Variants in SETBP1 observed in about 807,000 individuals in gnomAD.
The protein encoded by SETBP1 is SET binding protein 1.
SETBP1 carries 9 observed loss-of-function variants against 101.0 expected under a neutral mutation model. That is an observed-to-expected ratio of 0.09 (90% CI 0.05 to 0.16). The LOEUF is 0.16. Among genes scored for constraint, SETBP1 ranks in the 10% least tolerant of loss-of-function variants. SETBP1 has a pLI of 1.00. For missense variants in SETBP1, 1,858 were observed against 2,033.8 expected (o/e 0.91, Z 1.66); for synonymous variants, 818 against 788.5 (o/e 1.04, Z -0.63).
At chr18:44,940,269 G>C (rs1025329062) in intron 3 of SETBP1, among the ~76,000 whole-genome samples, 1 of 152,070 alleles carries the variant, frequency 6.6e-6, no homozygotes, top group African/African-American at 2.4e-5. Context: ...TATTTAAAGT[G>C]TATCTCCTAT....
rs139425805 is a variant in SETBP1, at chr18:45,014,516, C to G, written c.4001-23969C>G. On this transcript the variant is annotated intron_variant, in intron 4 of 5. Transcript: ENST00000649279. ...AGAATGGAATAAATTAATAAATATG[C>G]TGTTGTTTAACTGGGAAAGTGCTCT... is the stretch of plus-strand genomic sequence containing the variant. 4.0e-3 allele frequency among the ~76,000 whole-genome samples: 603 copies of G among 152,320 alleles called. 3 individuals are homozygous for G. Among genetic ancestry groups the G allele is most frequent in the African/African-American group, 0.014 (579 of 41,568 alleles).
intron 3 of SETBP1, among the ~76,000 whole-genome samples, chr18:44,901,362 T>C (rs948141245): frequency 6.6e-6 from 1 of 152,218 alleles, no homozygotes; most frequent in African/African-American, 2.4e-5. Context: ...CAGCAGGAGA[T>C]AGACTTTTGA....
In SETBP1 at chr18:44,849,135, C is replaced by G. The variant is rs550840125; in HGVS notation, c.487-20095C>G. ...ATGTCTGTGCCAGAACGTCCCCCAT[C>G]TGCTGCTGGGAGGAGGAAATTGGCA... On this transcript the variant is annotated intron_variant, in intron 2 of 5. Coordinates refer to ENST00000649279, the MANE Select transcript of SETBP1 (RefSeq NM_015559.3). Among the ~76,000 whole-genome samples the G allele has an allele frequency of 2.8e-4, 42 of 152,312 alleles. No individual in the cohort carries two copies. In the South Asian group the frequency reaches 7.9e-3, roughly 29 times the overall value.
rs2073958966 is a variant in SETBP1 at position 45,065,865 on chromosome 18, T to G, written c.*2167T>G. The G allele has an allele frequency of 6.6e-6, 1 of 152,246 alleles. No homozygotes were observed. Among genetic ancestry groups the G allele is most frequent in the Non-Finnish European group, 1.5e-5 (1 of 68,054 alleles). 9.4% of individuals were successfully genotyped at this position (152,246 alleles called of 1,614,324 possible). A position where few individuals can be genotyped will look rare whatever the true frequency, so the allele number is the denominator to read the frequency against. The stretch of plus-strand genomic sequence containing the variant: ...TCGTCATTCCCAAGCCCTATCTGAG[T>G]GGTTCCAAAGTCACCTGAGAGGAAG... On this transcript the variant is annotated 3_prime_UTR_variant, in exon 6 of 6. Transcript: ENST00000649279.
intron 2 of SETBP1, among the ~76,000 whole-genome samples, chr18:44,790,576 C>T (rs1280526670): frequency 6.6e-6 from 1 of 152,218 alleles, no homozygotes; most frequent in Non-Finnish European, 1.5e-5. Context: ...TAAAACTTCA[C>T]TGTGCTTTTT....
At chr18:44,947,250 C>A (rs2071227660) in intron 3 of SETBP1, among the ~76,000 whole-genome samples, 1 of 151,738 alleles carries the variant, frequency 6.6e-6, no homozygotes, top group South Asian at 2.1e-4. Context: ...GAGCTGAAGC[C>A]AGAACACGAA....
At chr18:44,721,041 G>A (rs963375706) in intron 2 of SETBP1, among the ~76,000 whole-genome samples, 1 of 152,082 alleles carries the variant, frequency 6.6e-6, no homozygotes, top group East Asian at 1.9e-4. Context: ...AGCACCCAGC[G>A]AAGGGCATGA....
intron 2 of SETBP1, among the ~76,000 whole-genome samples, chr18:44,812,720 C>T (rs2071889425): frequency 6.6e-6 from 1 of 152,080 alleles, no homozygotes; most frequent in Admixed American, 6.6e-5. Flanking sequence ...CTGCCAACAC[C>T]TTGAAAATCA....
chr18:44,695,300 A>C (rs2068996228), intron 1 of SETBP1, among the ~76,000 whole-genome samples: 1 of 152,232 alleles, frequency 6.6e-6, no homozygotes, highest in African/African-American at 2.4e-5. Flanking sequence ...AACTAGAAAG[A>C]ACCTGCATCT....
chr18:45,047,440 A>C (rs972367206), intron 5 of SETBP1, among the ~76,000 whole-genome samples: 1 of 152,188 alleles, frequency 6.6e-6, no homozygotes, highest in Non-Finnish European at 1.5e-5. Flanking sequence ...TGCCTTGTTC[A>C]CTGGCGCTTT....
chr18:44,840,854 AC>A (rs1479106232), intron 2 of SETBP1, among the ~76,000 whole-genome samples: 2 of 152,210 alleles, frequency 1.3e-5, no homozygotes, highest in Non-Finnish European at 2.9e-5. Context: ...CCAGGGACTC[AC>A]TTTCAATTGG....
At chr18:44,876,832 T>A (rs2069417787) in intron 3 of SETBP1, 2 of 1,431,700 alleles carry the variant, frequency 1.4e-6, no homozygotes, top group Non-Finnish European at 1.8e-6. Flanking sequence ...TTGCCCAAGA[T>A]TGTAAACTAG....
At chr18:44,868,176 G>T (rs1182130148) in intron 2 of SETBP1, among the ~76,000 whole-genome samples, 6 of 152,132 alleles carry the variant, frequency 3.9e-5, no homozygotes, top group Admixed American at 3.9e-4. Context: ...CTTTAATATT[G>T]ATTAAACACA....
intron 2 of SETBP1, among the ~76,000 whole-genome samples, chr18:44,758,486 G>A (rs1324069334): frequency 2.6e-5 from 4 of 151,944 alleles, no homozygotes; most frequent in African/African-American, 7.2e-5. Context: ...GGGTTGAGGC[G>A]ATTCTCCTGC....
At chr18:44,999,678 T>C (rs776948470) in intron 4 of SETBP1, among the ~76,000 whole-genome samples, 7 of 152,256 alleles carry the variant, frequency 4.6e-5, no homozygotes, top group Non-Finnish European at 7.3e-5. Flanking sequence ...ATAGATATCA[T>C]GTTGTCTGCA....
chr18:44,716,994 C>T (rs1229817178), intron 2 of SETBP1, among the ~76,000 whole-genome samples: 1 of 152,216 alleles, frequency 6.6e-6, no homozygotes, highest in Non-Finnish European at 1.5e-5. Flanking sequence ...AAGCACTTGA[C>T]ACACATTGCT....
At chr18:45,060,250 C>G in intron 5 of SETBP1, among the ~76,000 whole-genome samples, 1 of 152,300 alleles carries the variant, frequency 6.6e-6, no homozygotes, top group South Asian at 2.1e-4. Flanking sequence ...GTAAAGCAGG[C>G]AAGCTTGACC....
chr18:44,703,149 C>T (rs2069146995), intron 2 of SETBP1, among the ~76,000 whole-genome samples: 1 of 152,022 alleles, frequency 6.6e-6, no homozygotes, highest in Non-Finnish European at 1.5e-5. Context: ...TTGGAGATGG[C>T]TCTAGAAGAA....
At chr18:45,055,461 T>C (rs1029807292) in intron 5 of SETBP1, among the ~76,000 whole-genome samples, 1 of 152,208 alleles carries the variant, frequency 6.6e-6, no homozygotes, top group African/African-American at 2.4e-5. Context: ...AAAAATATTT[T>C]TGTTGCTATC....
Sources: allele counts gnomAD v4.1 joint callset (sites outside exome capture counted in the v4.1 genomes callset), GRCh38; gene constraint gnomAD v4.1.1; transcripts MANE v1.5; gene names NCBI Gene and HGNC (gene_info 2026-07-23, HGNC 2026-07-21).